Variants in ABCA8 observed in about 807,000 individuals in gnomAD.
ABCA8 encodes ATP binding cassette subfamily A member 8.
A neutral mutation model predicts 192.3 loss-of-function variants in ABCA8; 177 were observed. The observed-to-expected ratio is 0.92, with a 90% CI of 0.81 to 1.04. The LOEUF is 1.04. Ranked by LOEUF, ABCA8 falls within the 50% of genes least tolerant of loss-of-function variation. The pLI, the probability that ABCA8 is intolerant of heterozygous loss-of-function variation, is 0.00. For missense variants in ABCA8, 1,915 were observed against 1,904.8 expected (o/e 1.01, Z -0.10); for synonymous variants, 642 against 690.2 (o/e 0.93, Z 1.09).
At chr17:68,943,888 G>A (rs571366226) in intron 2 of ABCA8, among the ~76,000 whole-genome samples, 2 of 151,836 alleles carry the variant, frequency 1.3e-5, no homozygotes, top group Admixed American at 1.3e-4. Context: ...CAATAGCAAA[G>A]AGTTGGAACC....
chr17:68,911,574 T>C lies in ABCA8; in HGVS notation c.2139-3695A>G, dbSNP rs1237530420. On this transcript the variant is annotated intron_variant, in intron 17 of 39. Transcript: ENST00000586539. This position sits in a 1 kb window ranked among gnomAD's most constrained non-coding sequence, Gnocchi z 5.7. ...TGCCACCTGCTGCCTGAAGAGCCCT[T>C]GGGCTTAGAGTGAACATTGGCGGTA... 6.6e-6 allele frequency among the ~76,000 whole-genome samples: 1 copy of C among 152,160 alleles called. No individual in the cohort carries two copies. Among genetic ancestry groups the C allele is most frequent in the Non-Finnish European group, 1.5e-5 (1 of 68,022 alleles).
At chr17:68,943,604 T>G (rs1230474984) in intron 2 of ABCA8, among the ~76,000 whole-genome samples, 1 of 152,220 alleles carries the variant, frequency 6.6e-6, no homozygotes, top group African/African-American at 2.4e-5. Flanking sequence ...ATCAAAGAGC[T>G]GAGTTCACAG....
intron 37 of ABCA8, among the ~76,000 whole-genome samples, chr17:68,874,040 GC>G (rs1306625806): frequency 6.6e-6 from 1 of 152,176 alleles, no homozygotes; most frequent in Non-Finnish European, 1.5e-5. Flanking sequence ...TCAAAAGGAA[GC>G]AGTTCACAAG....
At chr17:68,945,186 C>T (rs1017135394) in intron 2 of ABCA8, among the ~76,000 whole-genome samples, 17 of 152,008 alleles carry the variant, frequency 1.1e-4, no homozygotes, top group African/African-American at 4.1e-4. Context: ...TTCTCAGAGC[C>T]AAATTATTTA....
chr17:68,885,449 T>C (rs2066433152), intron 26 of ABCA8, 134 bp from the exon 27 acceptor site: 1 of 825,844 alleles, frequency 1.2e-6, no homozygotes, highest in Non-Finnish European at 1.8e-6. Flanking sequence ...ATATCTCCAT[T>C]AACAGTTTAT....
intron 17 of ABCA8, among the ~76,000 whole-genome samples, chr17:68,913,016 A>C (rs1247325151): frequency 6.6e-6 from 1 of 152,100 alleles, no homozygotes; most frequent in Non-Finnish European, 1.5e-5. Context: ...ACAAGACTTA[A>C]ATTTTTTTTT....
chr17:68,955,093 GTCAT>G, intron 1 of ABCA8, 122 bp downstream of exon 1: 1 of 152,192 alleles, frequency 6.6e-6, no homozygotes, highest in East Asian at 1.9e-4. Context: ...ATAGATGATT[GTCAT>G]TCAGTTTATA....
chr17:68,952,587 A>G (rs552454320), intron 1 of ABCA8, among the ~76,000 whole-genome samples: 10 of 152,186 alleles, frequency 6.6e-5, no homozygotes, highest in African/African-American at 2.4e-4. Flanking sequence ...CGAGGCTTTG[A>G]TATACTTGGG....
At chr17:68,923,882 G>T (rs1188346997) in intron 11 of ABCA8, among the ~76,000 whole-genome samples, 2 of 152,156 alleles carry the variant, frequency 1.3e-5, no homozygotes, top group East Asian at 3.9e-4. Flanking sequence ...AGAAATAAAA[G>T]TCACCAGCAC....
intron 24 of ABCA8, among the ~76,000 whole-genome samples, chr17:68,890,068 T>G (rs2066587518): frequency 6.6e-6 from 1 of 152,212 alleles, no homozygotes; most frequent in Admixed American, 6.5e-5. Context: ...AGTAAATACT[T>G]AGGAGAAGAA....
intron 17 of ABCA8, 74 bp downstream of exon 17, chr17:68,917,287 G>T (rs2067396436): frequency 1.2e-6 from 1 of 854,446 alleles, no homozygotes; most frequent in Non-Finnish European, 1.8e-6. Context: ...AATTCTTCTT[G>T]TGTGTTGTAA....
rs1186458513 is a variant in ABCA8, at chr17:68,941,884, G to A, written c.96+55C>T. 1.3e-5 allele frequency: 17 copies of A among 1,302,694 alleles called. No individual in the cohort carries two copies. The East Asian group carries it at 3.9e-4, about 30-fold the overall frequency. 80.7% of individuals were successfully genotyped at this position (1,302,694 alleles called of 1,614,324 possible). A position where few individuals can be genotyped will look rare whatever the true frequency, so the allele number is the denominator to read the frequency against. On this transcript the variant is annotated intron_variant, in intron 3 of 39. Coordinates refer to ENST00000586539, the MANE Select transcript of ABCA8 (RefSeq NM_001288985.2). ...ATACACATGGCATAGATAACTCCCAGGCAACACGTATTTTCCTATCATAAA... is the reference window on the plus strand; with the variant it reads ...ATACACATGGCATAGATAACTCCCAAGCAACACGTATTTTCCTATCATAAA...
chr17:68,887,960 A>ATATATAATATATATGGATATG (rs2066531166), intron 24 of ABCA8, among the ~76,000 whole-genome samples: 1 of 134,294 alleles, frequency 7.4e-6, no homozygotes, highest in African/African-American at 2.8e-5. Flanking sequence ...ATATGGATAT[A>ATATATAATATATATGGATATG]TATACACACA....
intron 7 of ABCA8, among the ~76,000 whole-genome samples, chr17:68,930,862 TCTG>T (rs1266304684): frequency 1.3e-5 from 2 of 152,200 alleles, no homozygotes; most frequent in Non-Finnish European, 2.9e-5. Context: ...GCACAGCCCA[TCTG>T]CCTCCCTAGC....
intron 7 of ABCA8, 26 bp downstream of exon 7, chr17:68,932,258 GTTTA>G: frequency 1.3e-6 from 2 of 1,523,816 alleles, no homozygotes; most frequent in Non-Finnish European, 9.0e-7. Context: ...GAGTTCCTCC[GTTTA>G]TTTATTTGTG....
rs2067231714 is a variant in ABCA8 at position 68,911,738 on chromosome 17, C to G, written c.2139-3859G>C. Among the ~76,000 whole-genome samples, 1 of 137,386 alleles carries G rather than the reference C, an allele frequency of 7.3e-6. No individual in the cohort carries two copies. The highest frequency in any genetic ancestry group is 7.1e-5 in the Admixed American group (1 of 14,142). 90.1% of individuals were successfully genotyped at this position (137,386 alleles called of 152,430 possible). ...TGCCAGCTCCAGACAGCTCAATACA[C>G]ACACACACACACACACACACACACA... On this transcript the variant is annotated intron_variant, in intron 17 of 39. Coordinates refer to ENST00000586539, the MANE Select transcript of ABCA8 (RefSeq NM_001288985.2). The surrounding 1 kb of genome is among the most constrained non-coding windows in gnomAD (Gnocchi z 5.7).
At chr17:68,938,322 G>A (rs1189187089) in intron 4 of ABCA8, among the ~76,000 whole-genome samples, 1 of 152,112 alleles carries the variant, frequency 6.6e-6, no homozygotes, top group African/African-American at 2.4e-5. Flanking sequence ...CAAATAGCAA[G>A]TGCATGAACT....
At chr17:68,888,778 T>C (rs2066554715) in intron 24 of ABCA8, among the ~76,000 whole-genome samples, 1 of 152,140 alleles carries the variant, frequency 6.6e-6, no homozygotes, top group South Asian at 2.1e-4. Flanking sequence ...ATTAGAGATC[T>C]GGGGTAGAGT....
At chr17:68,920,536 A>C (rs949830917) in intron 13 of ABCA8, among the ~76,000 whole-genome samples, 20 of 152,234 alleles carry the variant, frequency 1.3e-4, no homozygotes, top group Admixed American at 1.2e-3. Context: ...CAGATTCCAT[A>C]TGCAGTATAC....
Sources: allele counts gnomAD v4.1 joint callset (sites outside exome capture counted in the v4.1 genomes callset), GRCh38; gene constraint gnomAD v4.1.1; non-coding constraint Gnocchi (gnomAD v3.1); transcripts MANE v1.5; gene names NCBI Gene and HGNC (gene_info 2026-07-23, HGNC 2026-07-21).